The following LCP1 variants were observed in gnomAD, a reference collection of about 807,000 sequenced individuals.
LCP1 encodes plastin-2.
LCP1 carries 23 observed loss-of-function variants against 72.0 expected under a neutral mutation model. The ratio of observed to expected loss-of-function variants is 0.32; its 90% CI spans 0.23 to 0.45. The LOEUF is 0.45. LCP1 is among the 20% of genes least tolerant of loss of function. LCP1 has a pLI of 1.00. For missense variants in LCP1, 571 were observed against 748.3 expected (o/e 0.76, Z 2.76); for synonymous variants, 245 against 275.4 (o/e 0.89, Z 1.09).
At chr13:46,167,988 G>C (rs1010217793) in intron 1 of LCP1, among the ~76,000 whole-genome samples, 1 of 152,156 alleles carries the variant, frequency 6.6e-6, no homozygotes. Flanking sequence ...ATAAGTGTAA[G>C]AAATTAGCAC....
At chr13:46,179,770 T>C (rs1593969118) in intron 1 of LCP1, among the ~76,000 whole-genome samples, 2 of 151,094 alleles carry the variant, frequency 1.3e-5, no homozygotes, top group Non-Finnish European at 3.0e-5. Flanking sequence ...GATGGGGTAG[T>C]GGGAGGTTGA....
intron 1 of LCP1, among the ~76,000 whole-genome samples, chr13:46,175,915 T>C (rs749989855): frequency 2.6e-5 from 4 of 152,210 alleles, no homozygotes; most frequent in Non-Finnish European, 5.9e-5. Context: ...ATTACCTAGC[T>C]TTCTCTATAA....
chr13:46,127,786 G>T, intron 15 of LCP1, 63 bp from the exon 16 acceptor site: 1 of 1,583,906 alleles, frequency 6.3e-7, no homozygotes, highest in Non-Finnish European at 8.6e-7. Flanking sequence ...ATGGGACCCT[G>T]GAGGGTCACA....
chr13:46,176,304 G>A (rs1474681842), intron 1 of LCP1, among the ~76,000 whole-genome samples: 1 of 151,996 alleles, frequency 6.6e-6, no homozygotes, highest in Non-Finnish European at 1.5e-5. Flanking sequence ...ACATTACTAG[G>A]TACCCCATAA....
At position 46,126,055 on chromosome 13, in the gene LCP1, T is replaced by C. The variant is rs1053459956; in HGVS notation, c.*1536A>G. On this transcript the variant is annotated 3_prime_UTR_variant, in exon 16 of 16. Coordinates refer to ENST00000323076, the MANE Select transcript of LCP1 (RefSeq NM_002298.5). ...AGGCTACAGTAAGTTCAATCTGAAG[T>C]CAAAACCAACCAATTTGTATTCAGA... 9.5e-6 allele frequency: 2 copies of C among 210,208 alleles called. No individual in the cohort carries two copies. The highest frequency in any genetic ancestry group is 1.9e-5 in the Non-Finnish European group (2 of 103,422). The allele number at this position is 210,208 out of a possible 1,614,324, so 13.0% of individuals were successfully genotyped here. A position where few individuals can be genotyped will look rare whatever the true frequency, so the allele number is the denominator to read the frequency against.
At chr13:46,140,194 A>G (rs1048595602) in intron 13 of LCP1, among the ~76,000 whole-genome samples, 1 of 152,174 alleles carries the variant, frequency 6.6e-6, no homozygotes, top group Non-Finnish European at 1.5e-5. Flanking sequence ...GAGAGAAGAG[A>G]GTCATTCAGA....
chr13:46,178,275 C>G (rs1002254728), intron 1 of LCP1, among the ~76,000 whole-genome samples: 3 of 152,060 alleles, frequency 2.0e-5, no homozygotes, highest in African/African-American at 7.2e-5. Flanking sequence ...CTTCCACTCC[C>G]CCCCATCCCC....
Position 46,127,421 on chromosome 13 carries a change from C to A in LCP1, c.*170G>T. 1 of 680,680 alleles carries A rather than the reference C, an allele frequency of 1.5e-6. No individual in the cohort carries two copies. The highest frequency in any genetic ancestry group is 2.4e-6 in the Non-Finnish European group (1 of 423,900). 42.2% of individuals were successfully genotyped at this position (680,680 alleles called of 1,614,324 possible). A position where few individuals can be genotyped will look rare whatever the true frequency, so the allele number is the denominator to read the frequency against. ...GTTGGGCCTCCTGCAAAGAATGAAG[C>A]ACTTTTTGTTAAATACAGGAGAGGC... On this transcript the variant is annotated 3_prime_UTR_variant, in exon 16 of 16. Transcript: ENST00000323076.
At chr13:46,140,384 A>G (rs1431926483) in intron 13 of LCP1, among the ~76,000 whole-genome samples, 2 of 152,204 alleles carry the variant, frequency 1.3e-5, no homozygotes, top group African/African-American at 2.4e-5. Flanking sequence ...GCTGGAGTGG[A>G]AAAATTTCAT....
chr13:46,160,974 A>G (rs1566442972), intron 1 of LCP1, among the ~76,000 whole-genome samples: 1 of 152,190 alleles, frequency 6.6e-6, no homozygotes, highest in East Asian at 1.9e-4. Context: ...GGCCACCAAC[A>G]ACCACACCAA....
At chr13:46,162,845 G>T (rs1207945844) in intron 1 of LCP1, among the ~76,000 whole-genome samples, 3 of 151,962 alleles carry the variant, frequency 2.0e-5, no homozygotes, top group Non-Finnish European at 4.4e-5. Context: ...GACCCCGTCT[G>T]GGAGGTGAGG....
At chr13:46,164,572 A>C (rs1453849963) in intron 1 of LCP1, among the ~76,000 whole-genome samples, 1 of 152,270 alleles carries the variant, frequency 6.6e-6, no homozygotes, top group East Asian at 1.9e-4. Flanking sequence ...TCAGTGATTT[A>C]ACAGCAAATG....
intron 1 of LCP1, among the ~76,000 whole-genome samples, chr13:46,161,450 G>A (rs1056358046): frequency 2.0e-5 from 3 of 152,156 alleles, no homozygotes; most frequent in African/African-American, 4.8e-5. Context: ...AAACTGTCGA[G>A]GGGTTAATTG....
At chr13:46,158,004 C>T (rs755051733) in intron 4 of LCP1, among the ~76,000 whole-genome samples, 3 of 152,172 alleles carry the variant, frequency 2.0e-5, no homozygotes, top group South Asian at 2.1e-4. Flanking sequence ...TGGGATTACA[C>T]GCGTGAGCCA....
intron 1 of LCP1, among the ~76,000 whole-genome samples, chr13:46,165,400 C>G (rs188609154): frequency 6.6e-6 from 1 of 151,720 alleles, no homozygotes; most frequent in African/African-American, 2.4e-5. Context: ...CAAAAATGCA[C>G]CCATTTTAAT....
chr13:46,145,014 G>C (rs9590947), intron 10 of LCP1, among the ~76,000 whole-genome samples: 2,410 of 152,268 alleles, frequency 0.016, 64 homozygotes, highest in African/African-American at 0.055. Flanking sequence ...AGGGGTGGGA[G>C]TAGAAGGTAG....
chr13:46,140,153 G>A (rs1442772822), intron 13 of LCP1, among the ~76,000 whole-genome samples: 1 of 152,180 alleles, frequency 6.6e-6, no homozygotes, highest in Non-Finnish European at 1.5e-5. Context: ...GAATTTAGGG[G>A]AAAGACTATC....
At chr13:46,135,626 C>G (rs1052946955) in intron 13 of LCP1, among the ~76,000 whole-genome samples, 4 of 152,168 alleles carry the variant, frequency 2.6e-5, no homozygotes, top group African/African-American at 9.7e-5. Flanking sequence ...CACATTTAAA[C>G]TGACAGTGAT....
In LCP1 at chr13:46,163,584, G is replaced by A. The variant is rs569234971; in HGVS notation, c.-24-3898C>T. On this transcript the variant is annotated intron_variant, in intron 1 of 15. Coordinates refer to ENST00000323076, the MANE Select transcript of LCP1 (RefSeq NM_002298.5). ...CTGACCTTCCCTCCACTATTGTCCT[G>A]TGACCCTGCCAAATCCCCCTCTGCG... 5.1e-3 allele frequency among the ~76,000 whole-genome samples: 741 copies of A among 146,396 alleles called. 3 individuals are homozygous for A. Among genetic ancestry groups the A allele is most frequent in the African/African-American group, 0.018 (711 of 39,174 alleles).
Sources: allele counts gnomAD v4.1 joint callset (sites outside exome capture counted in the v4.1 genomes callset), GRCh38; gene constraint gnomAD v4.1.1; transcripts MANE v1.5; gene names NCBI Gene and HGNC (gene_info 2026-07-23, HGNC 2026-07-21).